Variants in WNT7B observed in about 807,000 individuals in gnomAD.
The protein encoded by WNT7B is protein Wnt-7b.
A neutral mutation model predicts 38.2 loss-of-function variants in WNT7B; 19 were observed. The ratio of observed to expected loss-of-function variants is 0.50; its 90% confidence interval spans 0.35 to 0.73. WNT7B has a LOEUF of 0.73. Among genes scored for constraint, WNT7B ranks in the 30% least tolerant of loss-of-function variants. The pLI is 0.01. For synonymous variants in WNT7B, 243 were observed against 209.3 expected, an observed-to-expected ratio of 1.16 and a Z score of -1.39; for missense variants, 423 against 507.9, an observed-to-expected ratio of 0.83 and a Z score of 1.61.
At chr22:45,949,017 G>A (rs977247482) in intron 2 of WNT7B, among the ~76,000 whole-genome samples, 7 of 151,878 alleles carry the variant, frequency 4.6e-5, no homozygotes, top group African/African-American at 1.7e-4. Context: ...TTTTAGTAGA[G>A]ATGGGGTTTC....
chr22:45,927,081 C>T (rs755793474), intron 3 of WNT7B: 3 of 985,422 alleles, frequency 3.0e-6, no homozygotes, highest in Non-Finnish European at 3.6e-6. Flanking sequence ...AGCCCCCAGG[C>T]CTCTGCAGAT....
chr22:45,952,590 C>A (rs1931959567), intron 1 of WNT7B, among the ~76,000 whole-genome samples: 1 of 152,258 alleles, frequency 6.6e-6, no homozygotes. Context: ...GGGGCAGAGC[C>A]CGCCTCAGTC....
chr22:45,942,941 C>T (rs544304992), intron 2 of WNT7B, among the ~76,000 whole-genome samples: 144 of 136,364 alleles, frequency 1.1e-3, no homozygotes, highest in African/African-American at 3.6e-3. Flanking sequence ...TGTGTGTAGG[C>T]GTGTATGTGT....
chr22:45,976,943 C>T lies in WNT7B; in HGVS notation c.-189G>A. 3 of 988,966 alleles carry T rather than the reference C, an allele frequency of 3.0e-6. No homozygotes were observed. The highest frequency in any genetic ancestry group is 2.4e-6 in the Non-Finnish European group (2 of 832,852). 61.3% of individuals were successfully genotyped at this position (988,966 alleles called of 1,614,324 possible). A position where few individuals can be genotyped will look rare whatever the true frequency, so the allele number is the denominator to read the frequency against. On this transcript the variant is annotated 5_prime_UTR_variant, in exon 1 of 4. Coordinates refer to ENST00000339464, the MANE Select transcript of WNT7B (RefSeq NM_058238.3). The surrounding 1 kb of genome is among the most constrained non-coding windows in gnomAD (Gnocchi z 8.5). ...TGGTGAGCCCGGGATGCCGCCGCCG[C>T]CACCGCCGCGTGAGCCCGGGGAATT...
At chr22:45,961,150 G>A (rs975811731) in intron 1 of WNT7B, among the ~76,000 whole-genome samples, 1 of 152,232 alleles carries the variant, frequency 6.6e-6, no homozygotes, top group East Asian at 1.9e-4. Context: ...AGAGCTGGGC[G>A]CGCCGGTGAG....
intron 3 of WNT7B, among the ~76,000 whole-genome samples, chr22:45,927,981 C>G (rs79233925): frequency 1.3e-5 from 2 of 152,120 alleles, no homozygotes; most frequent in Admixed American, 6.5e-5. Context: ...GTGGCCACAG[C>G]GGAGGAACAC....
At chr22:45,955,823 C>A in intron 1 of WNT7B, among the ~76,000 whole-genome samples, 1 of 152,138 alleles carries the variant, frequency 6.6e-6, no homozygotes, top group East Asian at 1.9e-4. Flanking sequence ...CTCCTCATTC[C>A]CCAGGGACTG....
chr22:45,926,363 T>A (rs894505564), intron 3 of WNT7B: 58 of 985,182 alleles, frequency 5.9e-5, no homozygotes, highest in Middle Eastern at 5.2e-4. Context: ...CAGGCCTTGG[T>A]TCCTCCTCGA....
intron 2 of WNT7B, 116 bp downstream of exon 2, chr22:45,949,804 T>C (rs997700398): frequency 3.0e-6 from 3 of 1,009,486 alleles, no homozygotes; most frequent in Non-Finnish European, 4.3e-6. Flanking sequence ...GGCAAAGAAA[T>C]TGGCCCCCCA....
In WNT7B at chr22:45,976,630, C is replaced by T; in HGVS notation, c.71+54G>A. ...CCCCACGGGGACGCCCCGGAGGCAG[C>T]TCCTTCGTGCTGTCTTGGCCCCTGG... is the stretch of plus-strand genomic sequence containing the variant. On this transcript the variant is annotated intron_variant, in intron 1 of 3. Transcript: ENST00000339464. This position sits in a 1 kb window ranked among gnomAD's most constrained non-coding sequence, Gnocchi z 8.5. 1 of 1,575,102 alleles carries T rather than the reference C, an allele frequency of 6.3e-7. No individual in the cohort carries two copies. Among genetic ancestry groups the T allele is most frequent in the Non-Finnish European group, 8.6e-7 (1 of 1,157,412 alleles).
intron 2 of WNT7B, among the ~76,000 whole-genome samples, chr22:45,940,231 A>G (rs1423789168): frequency 6.6e-6 from 1 of 152,178 alleles, no homozygotes; most frequent in East Asian, 1.9e-4. Context: ...CCCCATGGGT[A>G]TGAACTAAGA....
At chr22:45,957,874 C>T (rs1246798898) in intron 1 of WNT7B, among the ~76,000 whole-genome samples, 1 of 152,168 alleles carries the variant, frequency 6.6e-6, no homozygotes, top group African/African-American at 2.4e-5. Context: ...CTGGGCTGAG[C>T]CAGAATGCCC....
chr22:45,974,419 T>C (rs1361164573), intron 1 of WNT7B, among the ~76,000 whole-genome samples: 2 of 152,206 alleles, frequency 1.3e-5, no homozygotes, highest in Non-Finnish European at 2.9e-5. Flanking sequence ...CAAGATGGCT[T>C]GCAAAGAAAG....
intron 1 of WNT7B, among the ~76,000 whole-genome samples, chr22:45,955,012 G>A (rs1932026123): frequency 6.6e-6 from 1 of 152,370 alleles, no homozygotes; most frequent in African/African-American, 2.4e-5. Flanking sequence ...TAGTAAGTGT[G>A]GGACACACGC....
At chr22:45,956,836 G>A (rs149694480) in intron 1 of WNT7B, among the ~76,000 whole-genome samples, 14,911 of 152,130 alleles carry the variant, frequency 0.098, 849 homozygotes, top group African/African-American at 0.15. Context: ...GGCCAGGCGC[G>A]GTGGCTCACG....
chr22:45,961,019 G>A (rs562719428), intron 1 of WNT7B, among the ~76,000 whole-genome samples: 1 of 152,324 alleles, frequency 6.6e-6, no homozygotes, highest in Admixed American at 6.5e-5. Flanking sequence ...CTGCAGACTG[G>A]CCAGATGGGT....
In WNT7B at chr22:45,966,188, A is replaced by G. The variant is rs1169097900; in HGVS notation, c.71+10496T>C. On this transcript the variant is annotated intron_variant, in intron 1 of 3. Transcript: ENST00000339464. This position sits in a 1 kb window ranked among gnomAD's most constrained non-coding sequence, Gnocchi z 4.2. ...TCTGGGGGAAACTGAGTCCTCCAGA[A>G]GTGGGAATGCCTCATCCTGTGTCCC... is the stretch of plus-strand genomic sequence containing the variant. Among the ~76,000 whole-genome samples, 2 of 152,226 alleles carry G rather than the reference A, an allele frequency of 1.3e-5. No individual in the cohort carries two copies. The highest frequency in any genetic ancestry group is 2.9e-5 in the Non-Finnish European group (2 of 68,036).
At chr22:45,939,440 G>C (rs186743992) in intron 2 of WNT7B, among the ~76,000 whole-genome samples, 3 of 152,352 alleles carry the variant, frequency 2.0e-5, no homozygotes, top group Admixed American at 2.0e-4. Flanking sequence ...CCATACGGCA[G>C]AATATTACTC....
chr22:45,930,269 G>T (rs1045831331), intron 3 of WNT7B, among the ~76,000 whole-genome samples: 1 of 152,254 alleles, frequency 6.6e-6, no homozygotes, highest in East Asian at 1.9e-4. Flanking sequence ...GTGACCAGTG[G>T]CCTCAGCTAT....
Sources: gnomAD v4.1 joint callset for allele counts (sites outside exome capture counted in the v4.1 genomes callset) on GRCh38, gnomAD v4.1.1 for gene constraint, Gnocchi (gnomAD v3.1) non-coding constraint, MANE v1.5 for transcripts, NCBI Gene and HGNC (gene_info 2026-07-23, HGNC 2026-07-21) for gene names.